Variants in STIM2 observed in about 807,000 individuals in gnomAD.
STIM2 encodes stromal interaction molecule 2.
STIM2 carries 31 observed loss-of-function variants against 85.8 expected under a neutral mutation model. The ratio of observed to expected loss-of-function variants is 0.36; its 90% CI spans 0.27 to 0.49. The LOEUF (loss-of-function observed/expected upper bound fraction) is 0.49. STIM2 is among the 20% of genes least tolerant of loss of function. STIM2 has a pLI of 0.98. For synonymous variants in STIM2, 356 were observed against 331.1 expected (o/e 1.08, Z -0.82); for missense variants, 841 against 927.6 (o/e 0.91, Z 1.21).
chr4:26,902,299 C>T (rs1006950378), intron 1 of STIM2, among the ~76,000 whole-genome samples: 8 of 152,080 alleles, frequency 5.3e-5, no homozygotes, highest in African/African-American at 1.2e-4. Flanking sequence ...ATGCAGATGT[C>T]GTTCTCACTT....
At chr4:26,954,119 T>A (rs1577460000) in intron 2 of STIM2, among the ~76,000 whole-genome samples, 1 of 152,252 alleles carries the variant, frequency 6.6e-6, no homozygotes, top group East Asian at 1.9e-4. Flanking sequence ...ATAACATATA[T>A]CAGATTTTAT....
intron 1 of STIM2, chr4:26,861,724 G>T (rs1722209829): frequency 6.4e-6 from 1 of 155,564 alleles, no homozygotes; most frequent in Non-Finnish European, 1.3e-5. Flanking sequence ...TTTTGAGGCT[G>T]CTAGAAAAAG....
chr4:26,885,841 A>ATATATATATATT (rs1553845002), intron 1 of STIM2, among the ~76,000 whole-genome samples: 1 of 33,456 alleles, frequency 3.0e-5, no homozygotes, highest in African/African-American at 1.4e-4. Flanking sequence ...ATATATATAT[A>ATATATATATATT]TATATATATA....
intron 3 of STIM2, among the ~76,000 whole-genome samples, chr4:26,976,510 AC>A (rs1441910415): frequency 6.6e-6 from 1 of 151,418 alleles, no homozygotes; most frequent in Non-Finnish European, 1.5e-5. Flanking sequence ...AATCAGACTC[AC>A]CTGCTTTCTT....
chr4:26,864,903 A>T (rs1445553495), intron 1 of STIM2, among the ~76,000 whole-genome samples: 1 of 152,198 alleles, frequency 6.6e-6, no homozygotes, highest in Non-Finnish European at 1.5e-5. Context: ...TGTGAAACTG[A>T]ACTTTTAATG....
At chr4:26,916,156 A>G (rs976724632) in intron 1 of STIM2, among the ~76,000 whole-genome samples, 12 of 152,246 alleles carry the variant, frequency 7.9e-5, no homozygotes, top group Admixed American at 2.0e-4. Flanking sequence ...ACTAGAAGGT[A>G]AACAACTAAA....
At chr4:26,987,259 GT>G (rs1459503127) in intron 3 of STIM2, among the ~76,000 whole-genome samples, 1 of 152,122 alleles carries the variant, frequency 6.6e-6, no homozygotes, top group African/African-American at 2.4e-5. Flanking sequence ...CTTAGGCACA[GT>G]TTTCATCCCT....
chr4:26,952,133 G>A (rs1726078017), intron 2 of STIM2, among the ~76,000 whole-genome samples: 2 of 152,090 alleles, frequency 1.3e-5, no homozygotes, highest in Non-Finnish European at 2.9e-5. Context: ...CACAACAGGT[G>A]GGAATTATGG....
At chr4:26,930,375 C>T (rs1725160459) in intron 2 of STIM2, among the ~76,000 whole-genome samples, 1 of 151,942 alleles carries the variant, frequency 6.6e-6, no homozygotes, top group South Asian at 2.1e-4. Context: ...CCCTCTTTTT[C>T]TTTGAATGAA....
Position 26,953,242 on chromosome 4 carries a change from A to T in STIM2, c.283-4370A>T, listed in dbSNP as rs141764936. Among the ~76,000 whole-genome samples, 370 of 152,310 alleles carry T rather than the reference A, an allele frequency of 2.4e-3. 4 individuals carry two copies. Among genetic ancestry groups the T allele is most frequent in the Admixed American group, 0.021 (324 of 15,292 alleles). ...ATGTCTGATATTCCCCAAAACATGTATTAAACCTTCCAATATAATCAGAGT... is the reference window on the plus strand; with the variant it reads ...ATGTCTGATATTCCCCAAAACATGTTTTAAACCTTCCAATATAATCAGAGT... On this transcript the variant is annotated intron_variant, in intron 2 of 11. Coordinates refer to ENST00000467087, the MANE Select transcript of STIM2 (RefSeq NM_020860.4).
chr4:27,022,062 A>G (rs1469480507), intron 11 of STIM2, among the ~76,000 whole-genome samples: 3 of 152,026 alleles, frequency 2.0e-5, no homozygotes, highest in Admixed American at 6.6e-5. Context: ...AATTCCTTTC[A>G]TGTATATTTC....
At chr4:26,929,388 G>C (rs1397097530) in intron 2 of STIM2, among the ~76,000 whole-genome samples, 1 of 151,978 alleles carries the variant, frequency 6.6e-6, no homozygotes, top group African/African-American at 2.4e-5. Flanking sequence ...TCTTGTTAAG[G>C]TGTCTTTTTG....
intron 3 of STIM2, among the ~76,000 whole-genome samples, chr4:26,970,204 TA>T: frequency 1.6e-4 from 1 of 6,114 alleles, no homozygotes; most frequent in African/African-American, 2.7e-4. Flanking sequence ...TGTGTGTATA[TA>T]TATATATATA....
chr4:26,950,675 T>A (rs915990911), intron 2 of STIM2, among the ~76,000 whole-genome samples: 1 of 152,346 alleles, frequency 6.6e-6, no homozygotes, highest in Middle Eastern at 3.4e-3. Context: ...AATAAACTTA[T>A]GTTCTTTATA....
chr4:26,896,924 A>C (rs137863064), intron 1 of STIM2, among the ~76,000 whole-genome samples: 70 of 152,304 alleles, frequency 4.6e-4, no homozygotes, highest in Non-Finnish European at 9.1e-4. Flanking sequence ...CATATCGAGA[A>C]TGTTGTGTTA....
At chr4:26,927,706 AACTTGAAT>A (rs1725012999) in intron 2 of STIM2, among the ~76,000 whole-genome samples, 1 of 115,302 alleles carries the variant, frequency 8.7e-6, no homozygotes, top group African/African-American at 3.9e-5. Flanking sequence ...AAAAAAAAAA[AACTTGAAT>A]AAAAAAAAAA....
intron 1 of STIM2, among the ~76,000 whole-genome samples, chr4:26,870,753 T>C (rs140680205): frequency 1.9e-3 from 293 of 152,282 alleles, no homozygotes; most frequent in Non-Finnish European, 3.2e-3. Context: ...TGTAGTCTAC[T>C]AGAAGGCATA....
At chr4:26,982,950 G>A (rs537630324) in intron 3 of STIM2, among the ~76,000 whole-genome samples, 1 of 152,258 alleles carries the variant, frequency 6.6e-6, no homozygotes, top group African/African-American at 2.4e-5. Context: ...TCCCTCTGTA[G>A]GTAGCCAGGG....
At chr4:27,016,784 C>G (rs143062517) in intron 10 of STIM2, among the ~76,000 whole-genome samples, 1 of 152,276 alleles carries the variant, frequency 6.6e-6, no homozygotes, top group Non-Finnish European at 1.5e-5. Context: ...GTTGCCCATG[C>G]TGATGATGGG....
Sources: gnomAD v4.1 joint callset for allele counts (sites outside exome capture counted in the v4.1 genomes callset) on GRCh38, gnomAD v4.1.1 for gene constraint, MANE v1.5 for transcripts, NCBI Gene and HGNC (gene_info 2026-07-23, HGNC 2026-07-21) for gene names.